Variants in TG observed in about 807,000 individuals in gnomAD.
TG encodes thyroglobulin.
A neutral mutation model predicts 324.7 loss-of-function variants in TG; 270 were observed. That is an observed-to-expected ratio of 0.83 (90% confidence interval 0.75 to 0.92). The LOEUF (loss-of-function observed/expected upper bound fraction) is 0.92. Ranked by LOEUF, TG falls within the 40% of genes least tolerant of loss-of-function variation. The pLI is 0.00. For missense variants in TG, 3,591 were observed against 3,456.4 expected, an observed-to-expected ratio of 1.04 and a Z score of -0.98; for synonymous variants, 1,401 against 1,327.0, an observed-to-expected ratio of 1.06 and a Z score of -1.21.
At chr8:133,013,790 G>A (rs747505893) in intron 37 of TG, 26 bp downstream of exon 37, 1 of 1,602,382 alleles carries the variant, frequency 6.2e-7, no homozygotes. Flanking sequence ...TGCCTTTGCA[G>A]CCATCCTGGG....
intron 41 of TG, among the ~76,000 whole-genome samples, chr8:133,056,679 C>T (rs1416008949): frequency 6.6e-6 from 1 of 152,236 alleles, no homozygotes; most frequent in Non-Finnish European, 1.5e-5. Flanking sequence ...CCTCGTGGGG[C>T]TGTGAGAATC....
At chr8:133,049,850 T>C in intron 41 of TG, 1 of 1,157,378 alleles carries the variant, frequency 8.6e-7, no homozygotes, top group South Asian at 1.2e-5. Flanking sequence ...ACCTTATGAG[T>C]CACCAGCATA....
In TG at chr8:132,887,478, G is replaced by T; in HGVS notation, c.2106G>T (p.Glu702Asp). ...TGCCTGTCCAGTGCTTCAACTCAGA[G>T]TGCTACTGTGTTGATGCTGAGGGTC... ...HFLPVQCFNSECYCVDAEGQA... is the reference protein window; with the variant it reads ...HFLPVQCFNSDCYCVDAEGQA... Residue 702 changes from glutamate (E) to aspartate (D), a missense_variant, in exon 9 of 48, where the codon GAG becomes GAT. Transcript: ENST00000220616. The T allele has an allele frequency of 4.3e-6, 7 of 1,614,190 alleles. No homozygotes were observed. The highest frequency in any genetic ancestry group is 5.9e-6 in the Non-Finnish European group (7 of 1,180,042).
intron 39 of TG, among the ~76,000 whole-genome samples, chr8:133,019,906 C>A (rs575894020): frequency 6.6e-6 from 1 of 152,298 alleles, no homozygotes; most frequent in South Asian, 2.1e-4. Flanking sequence ...TGAGTGGTGA[C>A]CATGGGCGTG....
At chr8:132,893,663 C>A in intron 10 of TG, 27 bp from the exon 11 acceptor site, 1 of 1,613,010 alleles carries the variant, frequency 6.2e-7, no homozygotes, top group Non-Finnish European at 8.5e-7. Flanking sequence ...GTGAGTGAGT[C>A]CATCTGTGTT....
At position 133,067,827 on chromosome 8, in the gene TG, G is replaced by C. The variant is rs143964817; in HGVS notation, c.7240-27217G>C. Among the ~76,000 whole-genome samples the C allele has an allele frequency of 2.7e-5, 4 of 146,824 alleles. No homozygotes were observed. In the East Asian group the frequency reaches 8.0e-4, roughly 29 times the overall value. On this transcript the variant is annotated intron_variant, in intron 41 of 47. Transcript: ENST00000220616. ...AAGAAAGAAAGGAAGGAAGGAAGGG[G>C]GAGAGAGAGAGAGACAGAGAGAGAG...
chr8:132,948,949 T>G lies in TG; in HGVS notation c.5401+6T>G, dbSNP rs1387948579. The G allele has an allele frequency of 6.2e-7, 1 of 1,612,708 alleles. No individual in the cohort carries two copies. The highest frequency in any genetic ancestry group is 8.5e-7 in the Non-Finnish European group (1 of 1,179,922). ...AGACCAGGAGTTCATCAAGAGTAAG[T>G]CTTTGCCATTTGTCCATATTCTTTC... On this transcript the variant is annotated splice_donor_region_variant and intron_variant, in intron 27 of 47. Coordinates refer to ENST00000220616, the MANE Select transcript of TG (RefSeq NM_003235.5).
chr8:132,936,105 C>T (rs1823544166), intron 25 of TG, among the ~76,000 whole-genome samples: 1 of 152,244 alleles, frequency 6.6e-6, no homozygotes, highest in Non-Finnish European at 1.5e-5. Context: ...TTTGTGCCTT[C>T]AGGTTTGATC....
At chr8:133,059,572 C>G (rs904239264) in intron 41 of TG, among the ~76,000 whole-genome samples, 2 of 152,104 alleles carry the variant, frequency 1.3e-5, no homozygotes, top group Non-Finnish European at 2.9e-5. Context: ...TGCTTGTCAC[C>G]TTGCAATCCC....
At chr8:133,050,769 G>T (rs1840250601) in intron 41 of TG, 2 of 1,254,044 alleles carry the variant, frequency 1.6e-6, no homozygotes, top group African/African-American at 1.5e-5. Flanking sequence ...CCCAAACCAA[G>T]TTTATCCTGC....
Position 132,967,843 on chromosome 8 carries a change from T to G in TG, c.5736T>G (p.Ser1912Arg), listed in dbSNP as rs1828858467. The part of the protein sequence containing the change: ...SFCQLAEITE[S>R]ASLYFTCTLY... ...GTCAGCTCGCAGAGATAACAGAGAG[T>G]GCATCCTTGTACTTCACCTGCACCC... The change falls in exon 31 of 48, where the codon AGT becomes AGG. Residue 1912 changes from serine (S) to arginine (R), a missense_variant. Physicochemically the swap from Ser to Arg is moderately radical, Grantham distance 110. Transcript: ENST00000220616. 15 of 1,613,762 alleles carry G rather than the reference T, an allele frequency of 9.3e-6. No homozygotes were observed. Among genetic ancestry groups the G allele is most frequent in the Non-Finnish European group, 1.3e-5 (15 of 1,179,920 alleles).
chr8:133,018,595 C>CT (rs1483986210), intron 38 of TG, among the ~76,000 whole-genome samples: 3 of 151,194 alleles, frequency 2.0e-5, no homozygotes, highest in African/African-American at 7.3e-5. Context: ...ATTTTTTCCT[C>CT]TTTTCCATGT....
intron 35 of TG, among the ~76,000 whole-genome samples, chr8:133,010,666 A>G (rs1426845814): frequency 6.6e-6 from 1 of 152,114 alleles, no homozygotes; most frequent in African/African-American, 2.4e-5. Context: ...ACATCCATTG[A>G]CCTAGACTCA....
At chr8:133,130,517 C>T (rs1171591445) in intron 45 of TG, among the ~76,000 whole-genome samples, 11 of 152,136 alleles carry the variant, frequency 7.2e-5, no homozygotes, top group Admixed American at 7.2e-4. Flanking sequence ...GAAGGCAGTT[C>T]TGATCGGCAG....
chr8:132,947,085 G>C (rs188065854), intron 26 of TG, among the ~76,000 whole-genome samples: 45 of 152,260 alleles, frequency 3.0e-4, no homozygotes, highest in African/African-American at 1.0e-3. Flanking sequence ...CGGCCCTCAA[G>C]CCTGCACCTT....
rs1253598201 is a variant in TG at position 132,882,617 on chromosome 8, G to A, written c.889+5G>A. On this transcript the variant is annotated splice_donor_5th_base_variant and intron_variant, in intron 7 of 47. Coordinates refer to ENST00000220616, the MANE Select transcript of TG (RefSeq NM_003235.5). ...TCATCTCTGGCAGATTCCGATGTAA[G>A]TAATAAACTGCCAACAATGTGCGTG... is the stretch of plus-strand genomic sequence containing the variant. The A allele has an allele frequency of 9.3e-6, 15 of 1,614,228 alleles. No homozygotes were observed. Among genetic ancestry groups the A allele is most frequent in the Non-Finnish European group, 1.3e-5 (15 of 1,180,046 alleles).
At position 133,104,565 on chromosome 8, in the gene TG, T is replaced by C. The variant is rs187085624; in HGVS notation, c.7572+8192T>C. On this transcript the variant is annotated intron_variant, in intron 43 of 47. Transcript: ENST00000220616. The stretch of plus-strand genomic sequence containing the variant: ...TCAGTAGAGAGGTCAGGGCTGTAGA[T>C]ACAGCTTTGGAAGAAAACCAAGAAA... Among the ~76,000 whole-genome samples the C allele has an allele frequency of 1.7e-3, 264 of 152,286 alleles. 2 individuals carry two copies. The highest frequency in any genetic ancestry group is 3.4e-3 in the Middle Eastern group (1 of 294).
In TG at chr8:133,014,007, T is replaced by C. The variant is rs191707036; in HGVS notation, c.6562+243T>C. Among the ~76,000 whole-genome samples, 36 of 152,364 alleles carry C rather than the reference T, an allele frequency of 2.4e-4. No individual in the cohort carries two copies. In the East Asian group the frequency reaches 6.6e-3, roughly 28 times the overall value. Reference sequence around the variant, plus strand: ...GTTTTGAAGCTTCTTAGTAAAATAATTCAAAAGCCCACTTTTTATTATGGT... The same window carrying C: ...GTTTTGAAGCTTCTTAGTAAAATAACTCAAAAGCCCACTTTTTATTATGGT... On this transcript the variant is annotated intron_variant, in intron 37 of 47. Coordinates refer to ENST00000220616, the MANE Select transcript of TG (RefSeq NM_003235.5).
At chr8:132,976,183 T>C (rs925937195) in intron 34 of TG, among the ~76,000 whole-genome samples, 9 of 152,210 alleles carry the variant, frequency 5.9e-5, no homozygotes, top group Admixed American at 3.3e-4. Flanking sequence ...TGTGCTGCTA[T>C]AACAGAATAC....
Sources: gnomAD v4.1 joint callset for allele counts (sites outside exome capture counted in the v4.1 genomes callset) on GRCh38, gnomAD v4.1.1 for gene constraint, MANE v1.5 for transcripts, NCBI Gene and HGNC (gene_info 2026-07-23, HGNC 2026-07-21) for gene names.